The following CDC73 variants were observed in gnomAD, a reference collection of about 807,000 sequenced individuals.
CDC73 encodes parafibromin.
A neutral mutation model predicts 83.7 loss-of-function variants in CDC73; 21 were observed. The observed-to-expected ratio is 0.25, with a 90% CI of 0.18 to 0.36. The LOEUF is 0.36. CDC73 is among the 10% of genes least tolerant of loss of function. The pLI is 1.00. For synonymous variants in CDC73, 224 were observed against 212.9 expected, an observed-to-expected ratio of 1.05 and a Z score of -0.45; for missense variants, 342 against 653.3, an observed-to-expected ratio of 0.52 and a Z score of 5.19.
At chr1:193,239,966 A>G (rs750274842) in intron 15 of CDC73, among the ~76,000 whole-genome samples, 24 of 152,172 alleles carry the variant, frequency 1.6e-4, no homozygotes, top group Non-Finnish European at 2.9e-4. Context: ...GTTTGTACAC[A>G]TTAATCAACC....
intron 1 of CDC73, among the ~76,000 whole-genome samples, chr1:193,122,953 A>G (rs543478189): frequency 1.2e-4 from 18 of 152,306 alleles, no homozygotes; most frequent in African/African-American, 4.3e-4. Flanking sequence ...TCTAAGAAAT[A>G]GATGGTGCGT....
rs759780687 is a variant in CDC73 at position 193,130,127 on chromosome 1, G to A, written c.238-47G>A. 4 of 837,268 alleles carry A rather than the reference G, an allele frequency of 4.8e-6. No individual in the cohort carries two copies. The African/African-American group carries it at 6.6e-5, about 14-fold the overall frequency. 51.9% of individuals were successfully genotyped at this position (837,268 alleles called of 1,614,324 possible). On this transcript the variant is annotated intron_variant, in intron 2 of 16. Coordinates refer to ENST00000367435, the MANE Select transcript of CDC73 (RefSeq NM_024529.5). ...TACATGTTAATATTTATTAAGTTGT[G>A]TATCATTGTTATTCATTTCATATCT...
At chr1:193,189,184 C>T (rs1384875918) in intron 10 of CDC73, among the ~76,000 whole-genome samples, 1 of 152,138 alleles carries the variant, frequency 6.6e-6, no homozygotes, top group Non-Finnish European at 1.5e-5. Context: ...AAACTCCTGA[C>T]CTCAGGTGAT....
At chr1:193,181,468 G>A in intron 10 of CDC73, 1 of 1,614,056 alleles carries the variant, frequency 6.2e-7, no homozygotes, top group Non-Finnish European at 8.5e-7. Context: ...AAACACTAGA[G>A]AAAGTACTCC....
At chr1:193,242,109 T>C (rs561159950) in intron 15 of CDC73, among the ~76,000 whole-genome samples, 151 of 152,258 alleles carry the variant, frequency 9.9e-4, no homozygotes, top group African/African-American at 3.6e-3. Context: ...TTGCAGGGGT[T>C]GGGGGGCTGT....
At chr1:193,192,314 A>C (rs1676932734) in intron 10 of CDC73, among the ~76,000 whole-genome samples, 1 of 152,136 alleles carries the variant, frequency 6.6e-6, no homozygotes, top group Non-Finnish European at 1.5e-5. Flanking sequence ...GTGGTGGTAC[A>C]TGCCTGTAAT....
chr1:193,224,749 A>C (rs559726905), intron 13 of CDC73, among the ~76,000 whole-genome samples: 1 of 152,268 alleles, frequency 6.6e-6, no homozygotes, highest in East Asian at 1.9e-4. Flanking sequence ...TAGAAATCTT[A>C]CATGGTTTTA....
At chr1:193,171,178 G>T (rs571932170) in intron 10 of CDC73, among the ~76,000 whole-genome samples, 10 of 152,328 alleles carry the variant, frequency 6.6e-5, no homozygotes, top group Admixed American at 3.3e-4. Context: ...GTATCAATCT[G>T]TCTAGGTCCC....
Position 193,138,407 on chromosome 1 carries a change from C to T in CDC73, c.512+234C>T, listed in dbSNP as rs546632783. 7.9e-5 allele frequency among the ~76,000 whole-genome samples: 12 copies of T among 152,218 alleles called. 1 individual carries two copies. Among genetic ancestry groups the T allele is most frequent in the South Asian group, 6.2e-4 (3 of 4,822 alleles). ...TGTTGGTCTTTCTTTTTAAAAATTG[C>T]GTTATAAGCTGAGAAATTCATTTTA... is the stretch of plus-strand genomic sequence containing the variant. On this transcript the variant is annotated intron_variant, in intron 6 of 16. Transcript: ENST00000367435.
chr1:193,156,700 G>T (rs1676212980), intron 10 of CDC73, among the ~76,000 whole-genome samples: 1 of 152,072 alleles, frequency 6.6e-6, no homozygotes, highest in African/African-American at 2.4e-5. Context: ...ATCTCTGCTT[G>T]AAGTGTTACG....
chr1:193,197,662 G>A (rs1006724857), intron 10 of CDC73, among the ~76,000 whole-genome samples: 2 of 151,942 alleles, frequency 1.3e-5, no homozygotes, highest in Admixed American at 6.6e-5. Flanking sequence ...GCGGTGGCTC[G>A]TGCCTGTAAT....
chr1:193,238,446 T>G (rs189142806), intron 15 of CDC73, among the ~76,000 whole-genome samples: 1 of 152,344 alleles, frequency 6.6e-6, no homozygotes, highest in East Asian at 1.9e-4. Context: ...GACTCAAATA[T>G]TGGATACTGT....
intron 7 of CDC73, among the ~76,000 whole-genome samples, chr1:193,146,284 C>T (rs1462549179): frequency 6.6e-6 from 1 of 152,152 alleles, no homozygotes; most frequent in Non-Finnish European, 1.5e-5. Flanking sequence ...AACTGTCAGA[C>T]ATTAGGGGTA....
intron 10 of CDC73, among the ~76,000 whole-genome samples, chr1:193,193,062 C>A (rs1469372266): frequency 4.6e-5 from 7 of 152,146 alleles, no homozygotes; most frequent in South Asian, 4.1e-4. Flanking sequence ...ATAATTTCTC[C>A]CACCACCCTG....
intron 2 of CDC73, among the ~76,000 whole-genome samples, chr1:193,126,680 C>T (rs935707742): frequency 1.3e-5 from 2 of 152,084 alleles, no homozygotes; most frequent in Non-Finnish European, 2.9e-5. Context: ...CTTTTGCTTA[C>T]AAGTATACAC....
At chr1:193,181,415 G>A in intron 10 of CDC73, 3 of 1,614,040 alleles carry the variant, frequency 1.9e-6, no homozygotes, top group Non-Finnish European at 2.5e-6. Context: ...GCTCTGCCTG[G>A]CAGCCAGTCA....
chr1:193,210,324 C>G (rs1677255366), intron 11 of CDC73, among the ~76,000 whole-genome samples: 1 of 152,094 alleles, frequency 6.6e-6, no homozygotes, highest in Non-Finnish European at 1.5e-5. Context: ...AGTGTGTGTG[C>G]TGTGTTATTC....
chr1:193,234,212 CACACACACAT>C (rs1483706247), intron 14 of CDC73, among the ~76,000 whole-genome samples: 43 of 23,736 alleles, frequency 1.8e-3, no homozygotes, highest in Non-Finnish European at 3.7e-3. Flanking sequence ...CACACACACA[CACACACACAT>C]ATATATATTT....
chr1:193,246,377 A>G (rs549517809), intron 15 of CDC73, among the ~76,000 whole-genome samples: 1 of 152,088 alleles, frequency 6.6e-6, no homozygotes, highest in African/African-American at 2.4e-5. Context: ...TCTTTTCCCC[A>G]GTGGAAGTTA....
Sources: allele counts gnomAD v4.1 joint callset (sites outside exome capture counted in the v4.1 genomes callset), GRCh38; gene constraint gnomAD v4.1.1; transcripts MANE v1.5; gene names NCBI Gene and HGNC (gene_info 2026-07-23, HGNC 2026-07-21).